NR5A2: variants seen among roughly 807,000 people sequenced by gnomAD.
NR5A2 encodes the protein CYP7A promoter-binding factor.
Under a neutral mutation model 62.7 loss-of-function variants are expected in NR5A2, and 26 were observed. That is an observed-to-expected ratio of 0.41 (90% CI 0.30 to 0.58). The LOEUF is 0.58. Among genes scored for constraint, NR5A2 ranks in the 20% least tolerant of loss-of-function variants. The pLI is 0.22. For synonymous variants in NR5A2, 246 were observed against 241.7 expected (o/e 1.02, Z -0.16); for missense variants, 541 against 669.1 (o/e 0.81, Z 2.11).
chr1:200,075,896 C>CTTTTCT (rs762709648), intron 5 of NR5A2, among the ~76,000 whole-genome samples: 34 of 149,306 alleles, frequency 2.3e-4, no homozygotes, highest in African/African-American at 7.4e-4. Context: ...GTTTTCTTTT[C>CTTTTCT]TTTTTTTTTT....
At chr1:200,120,758 T>C in intron 6 of NR5A2, 50 bp from the exon 7 acceptor site, 2 of 1,487,406 alleles carry the variant, frequency 1.3e-6, no homozygotes, top group Non-Finnish European at 1.8e-6. Flanking sequence ...TCAGGTGAAA[T>C]ACATATTGCT....
intron 6 of NR5A2, among the ~76,000 whole-genome samples, chr1:200,114,307 TA>T (rs1666116080): frequency 3.1e-5 from 4 of 127,836 alleles, no homozygotes; most frequent in African/African-American, 1.1e-4. Context: ...CACACATATA[TA>T]TGATATGAAA....
At chr1:200,042,720 ACCCGCGC>A (rs1227231241) in intron 2 of NR5A2, 2 of 543,832 alleles carry the variant, frequency 3.7e-6, no homozygotes, top group East Asian at 3.0e-4. Context: ...GTGCCCGCCC[ACCCGCGC>A]CCCGCGCTCC....
At chr1:200,129,795 T>C (rs192714935) in intron 7 of NR5A2, among the ~76,000 whole-genome samples, 116 of 152,274 alleles carry the variant, frequency 7.6e-4, no homozygotes, top group African/African-American at 2.3e-3. Flanking sequence ...CACCTGATGA[T>C]TGGCCATTGT....
At chr1:200,134,568 G>A (rs566904068) in intron 7 of NR5A2, among the ~76,000 whole-genome samples, 8 of 152,146 alleles carry the variant, frequency 5.3e-5, no homozygotes, top group East Asian at 1.9e-4. Flanking sequence ...TATGATGATC[G>A]CGCAACGAAA....
At chr1:200,100,033 C>T (rs573530570) in intron 5 of NR5A2, among the ~76,000 whole-genome samples, 1 of 152,262 alleles carries the variant, frequency 6.6e-6, no homozygotes, top group East Asian at 1.9e-4. Context: ...TTCCAAGCAA[C>T]CCAGAGGAAA....
intron 7 of NR5A2, among the ~76,000 whole-genome samples, chr1:200,165,030 C>A (rs1335980465): frequency 6.6e-6 from 1 of 151,792 alleles, no homozygotes; most frequent in Admixed American, 6.6e-5. Flanking sequence ...GCATGCACCA[C>A]CACACCCAGC....
At chr1:200,063,941 G>A (rs1459236145) in intron 5 of NR5A2, among the ~76,000 whole-genome samples, 1 of 152,176 alleles carries the variant, frequency 6.6e-6, no homozygotes, top group Admixed American at 6.5e-5. Context: ...CTGAGTTCAG[G>A]AGTTCAAGAC....
Position 200,048,279 on chromosome 1 carries a change from C to T in NR5A2, c.571C>T (p.Leu191Phe). The change falls in exon 5 of 8, where the codon CTT becomes TTT. Residue 191 changes from leucine (L) to phenylalanine (F), a missense_variant. Coordinates refer to ENST00000367362, the MANE Select transcript of NR5A2 (RefSeq NM_205860.3). The surrounding 1 kb of genome is among the most constrained non-coding windows in gnomAD (Gnocchi z 4.8). Reference protein sequence around the residue: ...QKKALIRANGLKLEAMSQVIQ... With the variant: ...QKKALIRANGFKLEAMSQVIQ... Reference sequence around the variant, plus strand: ...AAAAGCCCTCATCCGAGCCAATGGACTTAAGCTAGAAGCCATGTCTCAGGT... The same window carrying T: ...AAAAGCCCTCATCCGAGCCAATGGATTTAAGCTAGAAGCCATGTCTCAGGT... 6.2e-7 allele frequency: 1 copy of T among 1,614,140 alleles called. No individual in the cohort carries two copies. The highest frequency in any genetic ancestry group is 8.5e-7 in the Non-Finnish European group (1 of 1,180,034).
At chr1:200,129,857 G>A (rs902889115) in intron 7 of NR5A2, among the ~76,000 whole-genome samples, 5 of 152,182 alleles carry the variant, frequency 3.3e-5, no homozygotes, top group Non-Finnish European at 7.3e-5. Context: ...CTGTGCTCAG[G>A]ATGCCTACAT....
intron 1 of NR5A2, among the ~76,000 whole-genome samples, chr1:200,034,783 CTTTT>C (rs767393832): frequency 0.072 from 5,111 of 70,570 alleles, 202 homozygotes; most frequent in East Asian, 0.19. Context: ...AGCAGAAAGG[CTTTT>C]TTTTTTTTTT....
chr1:200,161,546 T>TA (rs1653643566), intron 7 of NR5A2, among the ~76,000 whole-genome samples: 1 of 152,176 alleles, frequency 6.6e-6, no homozygotes, highest in South Asian at 2.1e-4. Flanking sequence ...AGCCCCAAAA[T>TA]ACAGGCTTCC....
chr1:200,172,521 T>C (rs562259266), intron 7 of NR5A2, among the ~76,000 whole-genome samples: 4 of 152,230 alleles, frequency 2.6e-5, no homozygotes, highest in Non-Finnish European at 2.9e-5. Context: ...GAAAGAGATA[T>C]GGTACCAACT....
intron 5 of NR5A2, among the ~76,000 whole-genome samples, chr1:200,070,925 A>T (rs993835975): frequency 6.6e-6 from 1 of 152,206 alleles, no homozygotes; most frequent in African/African-American, 2.4e-5. Flanking sequence ...ATTCTGGAAG[A>T]ATCTGCAGGG....
chr1:200,092,089 C>G (rs1428815717), intron 5 of NR5A2, among the ~76,000 whole-genome samples: 1 of 152,162 alleles, frequency 6.6e-6, no homozygotes, highest in Non-Finnish European at 1.5e-5. Context: ...ACAGTTGTAT[C>G]TCTCTGAACT....
At chr1:200,050,943 A>T (rs766798642) in intron 5 of NR5A2, among the ~76,000 whole-genome samples, 1 of 152,182 alleles carries the variant, frequency 6.6e-6, no homozygotes, top group Admixed American at 6.5e-5. Flanking sequence ...TTTATGAAAA[A>T]TGTGCAGAAT....
At chr1:200,095,592 G>A (rs1464105227) in intron 5 of NR5A2, among the ~76,000 whole-genome samples, 1 of 149,844 alleles carries the variant, frequency 6.7e-6, no homozygotes, top group South Asian at 2.1e-4. Flanking sequence ...TCACACTCTC[G>A]CCCAGGCTGG....
At chr1:200,140,422 G>A (rs1667394827) in intron 7 of NR5A2, among the ~76,000 whole-genome samples, 1 of 152,070 alleles carries the variant, frequency 6.6e-6, no homozygotes, top group East Asian at 1.9e-4. Flanking sequence ...TGCTTTGTCT[G>A]ATATTAAGAA....
At chr1:200,104,211 T>C (rs1665535778) in intron 5 of NR5A2, among the ~76,000 whole-genome samples, 1 of 152,216 alleles carries the variant, frequency 6.6e-6, no homozygotes, top group East Asian at 1.9e-4. Context: ...GAAGAACTTC[T>C]GGTTATAAAT....
Sources: allele counts gnomAD v4.1 joint callset (sites outside exome capture counted in the v4.1 genomes callset), GRCh38; gene constraint gnomAD v4.1.1; non-coding constraint Gnocchi (gnomAD v3.1); transcripts MANE v1.5; gene names NCBI Gene and HGNC (gene_info 2026-07-23, HGNC 2026-07-21).